The following KAT2B variants were observed in gnomAD, a reference collection of about 807,000 sequenced individuals.
The protein encoded by KAT2B is histone acetyltransferase KAT2B.
A neutral mutation model predicts 105.9 loss-of-function variants in KAT2B; 36 were observed. The ratio of observed to expected loss-of-function variants is 0.34; its 90% CI spans 0.26 to 0.45. KAT2B has a LOEUF of 0.45. Among genes scored for constraint, KAT2B ranks in the 20% least tolerant of loss-of-function variants. KAT2B has a pLI of 1.00. For synonymous variants in KAT2B, 397 were observed against 377.9 expected, an observed-to-expected ratio of 1.05 and a Z score of -0.59; for missense variants, 820 against 1,021.6, an observed-to-expected ratio of 0.80 and a Z score of 2.69.
At chr3:20,067,413 G>T (rs895134787) in intron 1 of KAT2B, among the ~76,000 whole-genome samples, 4 of 152,034 alleles carry the variant, frequency 2.6e-5, no homozygotes, top group African/African-American at 9.6e-5. Flanking sequence ...CCATTTATGA[G>T]CCCCCAGTGA....
intron 7 of KAT2B, among the ~76,000 whole-genome samples, chr3:20,118,442 C>T (rs932824942): frequency 3.3e-5 from 5 of 149,264 alleles, no homozygotes; most frequent in African/African-American, 9.8e-5. Context: ...ATAGGCCAGG[C>T]GTGGTGGCTG....
intron 11 of KAT2B, among the ~76,000 whole-genome samples, chr3:20,128,234 A>G (rs1202800057): frequency 1.3e-5 from 2 of 152,234 alleles, no homozygotes; most frequent in Non-Finnish European, 2.9e-5. Flanking sequence ...ATTTACACAT[A>G]CACGCAAACA....
chr3:20,077,795 A>G (rs1456054694), intron 2 of KAT2B, among the ~76,000 whole-genome samples: 4 of 152,182 alleles, frequency 2.6e-5, no homozygotes, highest in Non-Finnish European at 5.9e-5. Flanking sequence ...TGACAAAGGG[A>G]TCTAACAAAG....
rs533290676 is a variant in KAT2B, at chr3:20,040,954, G to A, written c.303+174G>A. 1.3e-4 allele frequency among the ~76,000 whole-genome samples: 20 copies of A among 152,296 alleles called. No homozygotes were observed. The East Asian group carries it at 3.9e-3, about 30-fold the overall frequency. Reference sequence around the variant, plus strand: ...CCCGCGCCCAATTAGCTTCTTCTTGGATAAGAGTCCTGCTGGGTTTGAAGA... The same window carrying A: ...CCCGCGCCCAATTAGCTTCTTCTTGAATAAGAGTCCTGCTGGGTTTGAAGA... On this transcript the variant is annotated intron_variant, in intron 1 of 17. Coordinates refer to ENST00000263754, the MANE Select transcript of KAT2B (RefSeq NM_003884.5).
At chr3:20,063,793 G>A (rs1395262910) in intron 1 of KAT2B, among the ~76,000 whole-genome samples, 4 of 150,820 alleles carry the variant, frequency 2.7e-5, no homozygotes, top group Non-Finnish European at 3.0e-5. Flanking sequence ...CAACTGCTTC[G>A]GCCTCCCCAA....
At chr3:20,131,687 CATT>C (rs1559327727) in intron 11 of KAT2B, among the ~76,000 whole-genome samples, 1 of 152,164 alleles carries the variant, frequency 6.6e-6, no homozygotes, top group Non-Finnish European at 1.5e-5. Context: ...CCTACCTCAG[CATT>C]CTGAGTAGTT....
In KAT2B at chr3:20,125,959, C is replaced by T. The variant is rs754654855; in HGVS notation, c.1468C>T (p.Arg490Cys). ...GGATGAGGCGGCAAGGTTGGAAGAG[C>T]GCAGGGGTGTAATTGAATTTCACGT... ...ARDEAARLEE[R>C]RGVIEFHVVG... is the part of the protein sequence containing the mutation. The change falls in exon 10 of 18, where the codon CGC becomes TGC. Residue 490 changes from arginine to cysteine, a missense_variant. Arg to Cys is a radical substitution (Grantham distance 180). This residue lies in a region of KAT2B where 225 missense variants were observed against 268.1 expected (regional missense o/e 0.84). Transcript: ENST00000263754. 3.7e-6 allele frequency: 6 copies of T among 1,613,846 alleles called. No homozygotes were observed. The highest frequency in any genetic ancestry group is 2.2e-5 in the East Asian group (1 of 44,892).
intron 1 of KAT2B, among the ~76,000 whole-genome samples, chr3:20,047,115 CT>C (rs1430649503): frequency 2.0e-5 from 3 of 149,708 alleles, no homozygotes; most frequent in African/African-American, 7.3e-5. Flanking sequence ...GAGGCAGGGT[CT>C]TACTCTGCTT....
chr3:20,068,844 A>T (rs1293656551), intron 1 of KAT2B, among the ~76,000 whole-genome samples: 1 of 152,060 alleles, frequency 6.6e-6, no homozygotes, highest in Non-Finnish European at 1.5e-5. Context: ...GGGGCCATTT[A>T]GTCATTTTTC....
At chr3:20,093,122 T>C (rs1698751963) in intron 2 of KAT2B, among the ~76,000 whole-genome samples, 1 of 152,206 alleles carries the variant, frequency 6.6e-6, no homozygotes, top group African/African-American at 2.4e-5. Context: ...TTAGACATGT[T>C]AGTTTGAGTT....
At chr3:20,123,894 G>C (rs1236784564) in intron 9 of KAT2B, among the ~76,000 whole-genome samples, 1 of 152,030 alleles carries the variant, frequency 6.6e-6, no homozygotes, top group Non-Finnish European at 1.5e-5. Flanking sequence ...TTGCATCTGA[G>C]GGCATGCAAG....
intron 8 of KAT2B, among the ~76,000 whole-genome samples, chr3:20,120,627 A>G (rs1328999837): frequency 6.6e-6 from 1 of 152,196 alleles, no homozygotes; most frequent in African/African-American, 2.4e-5. Flanking sequence ...TTTCGTAGGA[A>G]TAACTGCAAA....
chr3:20,062,661 C>G (rs564485061), intron 1 of KAT2B, among the ~76,000 whole-genome samples: 1 of 151,594 alleles, frequency 6.6e-6, no homozygotes, highest in African/African-American at 2.4e-5. Context: ...GGGGTTTCGC[C>G]TTGTTTGCCA....
chr3:20,129,510 G>A (rs1239382764), intron 11 of KAT2B, among the ~76,000 whole-genome samples: 1 of 151,896 alleles, frequency 6.6e-6, no homozygotes, highest in East Asian at 1.9e-4. Flanking sequence ...GCGTAGCTGG[G>A]AACTATAGGC....
chr3:20,046,831 G>A (rs974033922), intron 1 of KAT2B, among the ~76,000 whole-genome samples: 2 of 152,000 alleles, frequency 1.3e-5, no homozygotes, highest in African/African-American at 4.8e-5. Flanking sequence ...ACCTCCCAAG[G>A]GACATTTGAC....
intron 3 of KAT2B, among the ~76,000 whole-genome samples, chr3:20,096,365 G>T (rs1480763322): frequency 6.6e-6 from 1 of 152,034 alleles, no homozygotes; most frequent in African/African-American, 2.4e-5. Context: ...TTAGAGCCAG[G>T]ACTAACGATG....
At chr3:20,147,841 G>A (rs752008987) in intron 14 of KAT2B, 122 bp from the exon 15 acceptor site, 30 of 841,166 alleles carry the variant, frequency 3.6e-5, no homozygotes, top group African/African-American at 2.4e-4. Flanking sequence ...AATTTCAGTC[G>A]TCTCTCAGAA....
At chr3:20,042,879 A>G (rs973131671) in intron 1 of KAT2B, among the ~76,000 whole-genome samples, 1 of 151,640 alleles carries the variant, frequency 6.6e-6, no homozygotes, top group Non-Finnish European at 1.5e-5. Flanking sequence ...ACCCAACAAG[A>G]GAAAGAGAAA....
At chr3:20,076,395 C>A (rs1411806782) in intron 2 of KAT2B, among the ~76,000 whole-genome samples, 5 of 152,158 alleles carry the variant, frequency 3.3e-5, no homozygotes, top group Non-Finnish European at 2.9e-5. Context: ...TTTCTTAAAA[C>A]TGAAATTACT....
Sources: gnomAD v4.1 joint callset for allele counts (sites outside exome capture counted in the v4.1 genomes callset) on GRCh38, gnomAD v4.1.1 for gene constraint, gnomAD v4.1.1 regional missense constraint, MANE v1.5 for transcripts, NCBI Gene and HGNC (gene_info 2026-07-23, HGNC 2026-07-21) for gene names.